The following TTC27 variants were observed in gnomAD, a reference collection of about 807,000 sequenced individuals.
The protein encoded by TTC27 is tetratricopeptide repeat domain 27, also known as tetratricopeptide repeat protein 27.
In TTC27, 79 loss-of-function variants were observed where a neutral mutation model predicts 115.9. The ratio of observed to expected loss-of-function variants is 0.68; its 90% CI spans 0.57 to 0.82. The LOEUF (loss-of-function observed/expected upper bound fraction) is 0.82, where lower values mean the gene tolerates loss of function less well. TTC27 is among the 40% of genes least tolerant of loss of function. The pLI, the probability that TTC27 is intolerant of heterozygous loss-of-function variation, is 0.00. For synonymous variants in TTC27, 401 were observed against 356.0 expected (o/e 1.13, Z -1.42); for missense variants, 1,054 against 993.1 (o/e 1.06, Z -0.82).
chr2:32,630,464 C>T (rs1314000473), intron 1 of TTC27, 59 bp from the exon 2 acceptor site: 1 of 1,354,948 alleles, frequency 7.4e-7, no homozygotes, highest in Admixed American at 2.1e-5. Flanking sequence ...ATAGTGTTAT[C>T]CTTTACGGTA....
chr2:32,746,107 C>T (rs1472210460), intron 12 of TTC27, among the ~76,000 whole-genome samples: 9 of 152,044 alleles, frequency 5.9e-5, no homozygotes, highest in Non-Finnish European at 2.9e-5. Context: ...GTATGTGGAG[C>T]GGGGGTAATG....
intron 12 of TTC27, among the ~76,000 whole-genome samples, chr2:32,744,826 G>A (rs746910266): frequency 1.5e-4 from 23 of 152,004 alleles, no homozygotes; most frequent in South Asian, 4.2e-4. Context: ...CTAGACAGGC[G>A]GATCACAACG....
chr2:32,723,618 C>T (rs1006047778), intron 10 of TTC27, among the ~76,000 whole-genome samples: 1 of 151,762 alleles, frequency 6.6e-6, no homozygotes, highest in African/African-American at 2.4e-5. Flanking sequence ...ATTGAGCTCA[C>T]TTAGAATAGG....
intron 9 of TTC27, among the ~76,000 whole-genome samples, chr2:32,684,369 A>G (rs1043286923): frequency 5.3e-5 from 8 of 152,140 alleles, no homozygotes; most frequent in South Asian, 2.1e-4. Context: ...ATTGTGAATA[A>G]TGCCGCAATA....
chr2:32,666,689 T>C lies in TTC27; in HGVS notation c.860T>C (p.Leu287Pro). ...FQENYVAQLILDVRREGDVLS... is the reference protein window; with the variant it reads ...FQENYVAQLIPDVRREGDVLS... ...GAAAATTATGTGGCACAACTGATTCTAGATGTAAGAAGGGAAGGGGATGTC... is the reference window on the plus strand; with the variant it reads ...GAAAATTATGTGGCACAACTGATTCCAGATGTAAGAAGGGAAGGGGATGTC... Residue 287 changes from leucine to proline, a missense_variant, in exon 7 of 20, where the codon CTA becomes CCA. Transcript: ENST00000317907. The C allele has an allele frequency of 1.2e-6, 2 of 1,614,070 alleles. No homozygotes were observed. The highest frequency in any genetic ancestry group is 1.7e-6 in the Non-Finnish European group (2 of 1,179,966).
At chr2:32,773,224 A>C (rs1669886651) in intron 13 of TTC27, among the ~76,000 whole-genome samples, 1 of 152,188 alleles carries the variant, frequency 6.6e-6, no homozygotes, top group Admixed American at 6.5e-5. Context: ...GCATACAGCC[A>C]GCTTGCCTTC....
At chr2:32,657,377 G>A (rs1427696489) in intron 5 of TTC27, among the ~76,000 whole-genome samples, 4 of 139,076 alleles carry the variant, frequency 2.9e-5, no homozygotes, top group Non-Finnish European at 4.6e-5. Flanking sequence ...TTTTTGAGAC[G>A]GAGTCTCTCT....
At chr2:32,685,104 C>A (rs561423563) in intron 9 of TTC27, among the ~76,000 whole-genome samples, 15 of 147,232 alleles carry the variant, frequency 1.0e-4, no homozygotes, top group Admixed American at 7.0e-5. Context: ...AATCTTGGCT[C>A]GCTGCAACCC....
At position 32,791,607 on chromosome 2, in the gene TTC27, A is replaced by G. The variant is rs76004529; in HGVS notation, c.1998+4458A>G. Among the ~76,000 whole-genome samples, 1,427 of 152,314 alleles carry G rather than the reference A, an allele frequency of 9.4e-3. 12 individuals are homozygous for G. The highest frequency in any genetic ancestry group is 0.024 in the Middle Eastern group (7 of 294). On this transcript the variant is annotated intron_variant, in intron 16 of 19. Transcript: ENST00000317907. Reference sequence around the variant, plus strand: ...GGCATGTCTTATTTTTTTCTTTGTCACGCCTTGAAGTCTGTGGGGGAAGAT... The same window carrying G: ...GGCATGTCTTATTTTTTTCTTTGTCGCGCCTTGAAGTCTGTGGGGGAAGAT...
chr2:32,702,855 A>G lies in TTC27; in HGVS notation c.1168A>G (p.Ile390Val). The change falls in exon 10 of 20, where the codon ATC becomes GTC. Residue 390 changes from isoleucine to valine, a missense_variant. Coordinates refer to ENST00000317907, the MANE Select transcript of TTC27 (RefSeq NM_017735.5). ...KFWAIQTSAL[I>V]LRTKLEKGST... is the part of the protein sequence containing the mutation. ...CTGGGCCATTCAGACATCAGCCTTG[A>G]TCCTCCGGACAAAACTTGAGAAAGG... is the stretch of plus-strand genomic sequence containing the variant. 1 of 1,614,060 alleles carries G rather than the reference A, an allele frequency of 6.2e-7. No homozygotes were observed. The highest frequency in any genetic ancestry group is 8.5e-7 in the Non-Finnish European group (1 of 1,179,984).
intron 12 of TTC27, among the ~76,000 whole-genome samples, chr2:32,741,873 T>TC (rs1668660524): frequency 6.6e-6 from 1 of 152,076 alleles, no homozygotes; most frequent in Non-Finnish European, 1.5e-5. Context: ...GCCTTACTCT[T>TC]CTCTCTCCAA....
At chr2:32,698,855 T>A (rs1481596952) in intron 9 of TTC27, among the ~76,000 whole-genome samples, 1 of 152,186 alleles carries the variant, frequency 6.6e-6, no homozygotes, top group Non-Finnish European at 1.5e-5. Flanking sequence ...AAAGCCTATA[T>A]AAACCCCAGA....
intron 9 of TTC27, among the ~76,000 whole-genome samples, chr2:32,688,349 T>TA (rs1666703051): frequency 6.6e-6 from 1 of 152,126 alleles, no homozygotes; most frequent in Admixed American, 6.6e-5. Context: ...GTAAAATTGT[T>TA]ATAACATTGG....
chr2:32,744,687 G>T (rs903052282), intron 12 of TTC27, among the ~76,000 whole-genome samples: 5 of 152,144 alleles, frequency 3.3e-5, no homozygotes, highest in Non-Finnish European at 7.3e-5. Context: ...CTCTCAAAAT[G>T]TTAGTTTAGC....
In TTC27 at chr2:32,664,294, G is replaced by A. The variant is rs781603080; in HGVS notation, c.641-9G>A. The A allele has an allele frequency of 5.5e-5, 87 of 1,584,048 alleles. No individual in the cohort carries two copies. The highest frequency in any genetic ancestry group is 7.3e-5 in the Non-Finnish European group (85 of 1,166,780). On this transcript the variant is annotated splice_polypyrimidine_tract_variant and intron_variant, in intron 5 of 19. Coordinates refer to ENST00000317907, the MANE Select transcript of TTC27 (RefSeq NM_017735.5). ...CATAACTTTTAATGTTTTATCTTTT[G>A]TCTTGCAGTGATGAAACTACAGAAT...
chr2:32,752,421 C>T (rs916325671), intron 12 of TTC27, among the ~76,000 whole-genome samples: 1 of 152,202 alleles, frequency 6.6e-6, no homozygotes, highest in Non-Finnish European at 1.5e-5. Flanking sequence ...GTTTTGGCCA[C>T]ATTTGAGTCC....
intron 5 of TTC27, among the ~76,000 whole-genome samples, chr2:32,654,880 G>C (rs1338892826): frequency 6.6e-6 from 1 of 151,640 alleles, no homozygotes; most frequent in Non-Finnish European, 1.5e-5. Flanking sequence ...ATTTTTAGTA[G>C]AGATGGGGTT....
chr2:32,727,586 A>G (rs932693188), intron 10 of TTC27, among the ~76,000 whole-genome samples: 5 of 152,204 alleles, frequency 3.3e-5, no homozygotes, highest in African/African-American at 1.2e-4. Flanking sequence ...TATCTGTGTG[A>G]GGACAGATTT....
Position 32,758,533 on chromosome 2 carries a change from T to G in TTC27, c.1680+14T>G, listed in dbSNP as rs1669324039. 1.2e-6 allele frequency: 2 copies of G among 1,610,268 alleles called. No individual in the cohort carries two copies. The highest frequency in any genetic ancestry group is 4.5e-5 in the East Asian group (2 of 44,850). ...AATCCCATGCAGGTTAGACAACTCA[T>G]AACCCCCTGCTGCTCTCAGCGCTTG... On this transcript the variant is annotated intron_variant, in intron 13 of 19. Coordinates refer to ENST00000317907, the MANE Select transcript of TTC27 (RefSeq NM_017735.5).
Sources: allele counts gnomAD v4.1 joint callset (sites outside exome capture counted in the v4.1 genomes callset), GRCh38; gene constraint gnomAD v4.1.1; transcripts MANE v1.5; gene names NCBI Gene and HGNC (gene_info 2026-07-23, HGNC 2026-07-21).